The following SLC25A16 variants were observed in gnomAD, a reference collection of about 807,000 sequenced individuals.
SLC25A16 encodes mitochondrial coenzyme A transporter SLC25A16.
In SLC25A16, 39 loss-of-function variants were observed where a neutral mutation model predicts 41.5. That is an observed-to-expected ratio of 0.94 (90% CI 0.73 to 1.23). The LOEUF is 1.23. Ranked by LOEUF, SLC25A16 falls within the 50% of genes most tolerant of loss-of-function variation. The pLI, the probability that SLC25A16 is intolerant of heterozygous loss-of-function variation, is 0.00. For missense variants in SLC25A16, 421 were observed against 426.9 expected (o/e 0.99, Z 0.12); for synonymous variants, 146 against 147.8 (o/e 0.99, Z 0.09).
intron 4 of SLC25A16, among the ~76,000 whole-genome samples, chr10:68,494,550 AAAGGAAGGAAGG>A (rs201925012): frequency 6.8e-5 from 10 of 147,096 alleles, no homozygotes; most frequent in African/African-American, 2.0e-4. Flanking sequence ...AGAGAGAGAG[AAAGGAAGGAAGG>A]AAGGAAGGAA....
At chr10:68,516,001 G>A (rs1388523948) in intron 2 of SLC25A16, among the ~76,000 whole-genome samples, 1 of 152,058 alleles carries the variant, frequency 6.6e-6, no homozygotes. Flanking sequence ...TAATGGATAA[G>A]AAATATATTC....
chr10:68,525,799 T>C (rs1302586334), intron 1 of SLC25A16, among the ~76,000 whole-genome samples: 1 of 152,140 alleles, frequency 6.6e-6, no homozygotes, highest in Non-Finnish European at 1.5e-5. Flanking sequence ...ATCTATAACC[T>C]TACCCCCAAC....
chr10:68,496,189 T>C (rs2052747896), intron 4 of SLC25A16, among the ~76,000 whole-genome samples: 1 of 152,186 alleles, frequency 6.6e-6, no homozygotes, highest in African/African-American at 2.4e-5. Context: ...GGAAGCACAA[T>C]CAGAGAATTA....
chr10:68,490,745 T>A (rs925027817), intron 6 of SLC25A16, among the ~76,000 whole-genome samples: 1 of 151,874 alleles, frequency 6.6e-6, no homozygotes, highest in Non-Finnish European at 1.5e-5. Flanking sequence ...ATTAGTGGCA[T>A]ATATATAAAA....
At chr10:68,499,190 G>C (rs1309306236) in intron 4 of SLC25A16, among the ~76,000 whole-genome samples, 1 of 152,128 alleles carries the variant, frequency 6.6e-6, no homozygotes, top group Non-Finnish European at 1.5e-5. Context: ...CAGAGGTTTT[G>C]GGTGATCTGC....
chr10:68,510,613 G>A (rs1022668476), intron 2 of SLC25A16, among the ~76,000 whole-genome samples: 1 of 152,126 alleles, frequency 6.6e-6, no homozygotes, highest in African/African-American at 2.4e-5. Context: ...GGCCGAAGCA[G>A]GCGGATCACC....
chr10:68,503,439 T>C (rs919257636), intron 4 of SLC25A16, among the ~76,000 whole-genome samples, 193 bp downstream of exon 4: 3 of 152,200 alleles, frequency 2.0e-5, no homozygotes, highest in African/African-American at 7.2e-5. Context: ...AACAAATGTG[T>C]GCTACTAAAT....
At chr10:68,496,569 T>C (rs1397899358) in intron 4 of SLC25A16, 35 of 983,812 alleles carry the variant, frequency 3.6e-5, no homozygotes, top group Non-Finnish European at 4.0e-5. Context: ...TTTTTATGAA[T>C]GTGCAAACTC....
intron 1 of SLC25A16, among the ~76,000 whole-genome samples, chr10:68,521,344 T>G (rs941915015): frequency 6.6e-6 from 1 of 152,066 alleles, no homozygotes; most frequent in Non-Finnish European, 1.5e-5. Context: ...GAGACCAGCC[T>G]GGCCAACATG....
At position 68,507,335 on chromosome 10, in the gene SLC25A16, TG is replaced by T. The variant is rs769266307; in HGVS notation, c.224-618del. Among the ~76,000 whole-genome samples, 3 of 152,070 alleles carry T rather than the reference TG, an allele frequency of 2.0e-5. No individual in the cohort carries two copies. In the East Asian group the frequency reaches 5.8e-4, roughly 29 times the overall value. On this transcript the variant is annotated intron_variant, in intron 2 of 8. Coordinates refer to ENST00000609923, the MANE Select transcript of SLC25A16 (RefSeq NM_152707.4). ...ATCCACCCGTCTCGGCCTCCCAAAG[TG>T]CTGGGATTACAGGCGTGACCCACTG...
At position 68,493,098 on chromosome 10, in the gene SLC25A16, T is replaced by C. The variant is rs745615030; in HGVS notation, c.610+34A>G. On this transcript the variant is annotated intron_variant, in intron 6 of 8. Transcript: ENST00000609923. The stretch of plus-strand genomic sequence containing the variant: ...AAAAAAAGGTAACAAATTTTAAACA[T>C]GCATATTAGGATTCTGGCAAATTTG... 11 of 1,225,710 alleles carry C rather than the reference T, an allele frequency of 9.0e-6. No individual in the cohort carries two copies. The South Asian group carries it at 1.2e-4, about 13-fold the overall frequency. The allele number at this position is 1,225,710 out of a possible 1,614,324, so 75.9% of individuals were successfully genotyped here. A position where few individuals can be genotyped will look rare whatever the true frequency, so the allele number is the denominator to read the frequency against.
intron 6 of SLC25A16, among the ~76,000 whole-genome samples, chr10:68,489,156 C>G (rs781008284): frequency 6.6e-6 from 1 of 152,118 alleles, no homozygotes; most frequent in Non-Finnish European, 1.5e-5. Context: ...GTAATCCCAG[C>G]TACTCGGGAG....
intron 2 of SLC25A16, among the ~76,000 whole-genome samples, chr10:68,515,893 T>C (rs7076904): frequency 0.022 from 3,292 of 152,210 alleles, 118 homozygotes; most frequent in African/African-American, 0.075. Context: ...CCAATAAACA[T>C]GTAATATTTG....
At chr10:68,515,805 T>A (rs888770306) in intron 2 of SLC25A16, among the ~76,000 whole-genome samples, 1 of 102,778 alleles carries the variant, frequency 9.7e-6, no homozygotes, top group East Asian at 2.6e-4. Flanking sequence ...CCTCAAAAAA[T>A]AAATAAATAA....
chr10:68,525,538 C>T (rs934942738), intron 1 of SLC25A16, among the ~76,000 whole-genome samples: 22 of 152,140 alleles, frequency 1.4e-4, no homozygotes, highest in Admixed American at 2.0e-4. Context: ...ACTGGAGCCT[C>T]GATCTCCTGG....
intron 7 of SLC25A16, among the ~76,000 whole-genome samples, chr10:68,487,489 AG>A (rs1362140095): frequency 6.6e-6 from 1 of 152,200 alleles, no homozygotes; most frequent in East Asian, 1.9e-4. Flanking sequence ...CAGTTCCTGA[AG>A]AAACAAACTG....
At chr10:68,515,646 A>G (rs370116563) in intron 2 of SLC25A16, among the ~76,000 whole-genome samples, 10 of 151,864 alleles carry the variant, frequency 6.6e-5, no homozygotes, top group African/African-American at 2.4e-4. Flanking sequence ...TAAAAATACA[A>G]AATTAGCCAA....
At chr10:68,488,392 A>G in intron 7 of SLC25A16, 75 bp downstream of exon 7, 1 of 1,078,698 alleles carries the variant, frequency 9.3e-7, no homozygotes, top group Non-Finnish European at 1.3e-6. Context: ...TAGAAAAAAT[A>G]AATGATTAAA....
At position 68,493,466 on chromosome 10, in the gene SLC25A16, T is replaced by G. The variant is rs766301194; in HGVS notation, c.526A>C (p.Lys176Gln). The change falls in exon 5 of 9, where the codon AAA becomes CAA. Residue 176 changes from lysine to glutamine, a missense_variant. Transcript: ENST00000609923. Reference protein sequence around the residue: ...HSYTGIIHAFKTIYAKEGGFF... With the variant: ...HSYTGIIHAFQTIYAKEGGFF... The stretch of plus-strand genomic sequence containing the variant: ...TGAAATACCTTTGCATAAATTGTTT[T>G]GAAAGCATGAATAATTCCTGTATAG... 32 of 1,613,308 alleles carry G rather than the reference T, an allele frequency of 2.0e-5. No homozygotes were observed. The highest frequency in any genetic ancestry group is 3.3e-5 in the Admixed American group (2 of 59,992).
Sources: allele counts gnomAD v4.1 joint callset (sites outside exome capture counted in the v4.1 genomes callset), GRCh38; gene constraint gnomAD v4.1.1; transcripts MANE v1.5; gene names NCBI Gene and HGNC (gene_info 2026-07-23, HGNC 2026-07-21).